Variants in SCAI observed in about 807,000 individuals in gnomAD.
SCAI encodes suppressor of cancer cell invasion.
SCAI carries 24 observed loss-of-function variants against 92.2 expected under a neutral mutation model. The observed-to-expected ratio is 0.26, with a 90% confidence interval of 0.19 to 0.37. The LOEUF is 0.37. SCAI is among the 10% of genes least tolerant of loss of function. The pLI is 1.00. For synonymous variants in SCAI, 261 were observed against 258.6 expected, an observed-to-expected ratio of 1.01 and a Z score of -0.09; for missense variants, 450 against 736.2, an observed-to-expected ratio of 0.61 and a Z score of 4.50.
intron 2 of SCAI, among the ~76,000 whole-genome samples, chr9:125,084,800 A>G (rs1330731432): frequency 6.6e-6 from 1 of 152,214 alleles, no homozygotes; most frequent in African/African-American, 2.4e-5. Context: ...TTTATTAAAA[A>G]GGGGTTATAA....
chr9:124,969,247 T>C (rs1003476674), intron 17 of SCAI, among the ~76,000 whole-genome samples: 2 of 152,162 alleles, frequency 1.3e-5, no homozygotes, highest in Non-Finnish European at 2.9e-5. Context: ...GCCTGGCCCA[T>C]TGCACAGTTC....
intron 5 of SCAI, 80 bp from the exon 6 acceptor site, chr9:125,026,990 G>T: frequency 2.8e-6 from 2 of 708,862 alleles, no homozygotes; most frequent in Non-Finnish European, 2.3e-6. Flanking sequence ...ATATACCGCT[G>T]TATTCCTCTG....
chr9:125,100,498 C>A (rs116280825), intron 2 of SCAI, among the ~76,000 whole-genome samples: 68 of 152,280 alleles, frequency 4.5e-4, no homozygotes, highest in African/African-American at 1.5e-3. Flanking sequence ...TAAGTCAGAG[C>A]CTTTGCTTTA....
chr9:124,977,404 G>A (rs1243923221), intron 14 of SCAI, among the ~76,000 whole-genome samples: 1 of 142,152 alleles, frequency 7.0e-6, no homozygotes, highest in Non-Finnish European at 1.6e-5. Context: ...GTGAGGCCCG[G>A]CACAGTGGCT....
intron 3 of SCAI, among the ~76,000 whole-genome samples, chr9:125,038,028 G>A (rs936764448): frequency 3.9e-5 from 6 of 152,094 alleles, no homozygotes; most frequent in Admixed American, 2.0e-4. Context: ...GGGCCAAGGC[G>A]GACAGATCAC....
chr9:125,069,776 C>G (rs1833944963), intron 2 of SCAI, among the ~76,000 whole-genome samples: 2 of 151,908 alleles, frequency 1.3e-5, no homozygotes, highest in African/African-American at 4.8e-5. Flanking sequence ...GCGCCCGCCA[C>G]CACACCTGGC....
chr9:125,021,486 T>C (rs922453820), intron 6 of SCAI, among the ~76,000 whole-genome samples: 7 of 152,190 alleles, frequency 4.6e-5, no homozygotes, highest in African/African-American at 1.7e-4. Context: ...ACTACTTCTT[T>C]GTTATTGTTC....
intron 2 of SCAI, among the ~76,000 whole-genome samples, chr9:125,134,105 C>T (rs1835463427): frequency 6.6e-6 from 1 of 152,116 alleles, no homozygotes; most frequent in Non-Finnish European, 1.5e-5. Context: ...GAATTTAGTT[C>T]ACCCAAGACC....
At chr9:125,117,090 T>TC (rs1309217600) in intron 2 of SCAI, among the ~76,000 whole-genome samples, 1 of 152,202 alleles carries the variant, frequency 6.6e-6, no homozygotes, top group Non-Finnish European at 1.5e-5. Flanking sequence ...AGGTTTTTTT[T>TC]CACTCAGTAA....
chr9:125,121,914 T>C (rs1393951759), intron 2 of SCAI, among the ~76,000 whole-genome samples: 1 of 152,156 alleles, frequency 6.6e-6, no homozygotes, highest in Non-Finnish European at 1.5e-5. Flanking sequence ...ATATGACAAC[T>C]GTGATTTTAT....
chr9:125,072,042 T>TTC (rs1833988357), intron 2 of SCAI, among the ~76,000 whole-genome samples: 1 of 151,808 alleles, frequency 6.6e-6, no homozygotes, highest in Admixed American at 6.6e-5. Flanking sequence ...TTTTTTTTTT[T>TTC]CTGAGACAGT....
At chr9:125,118,210 T>C (rs1286348833) in intron 2 of SCAI, among the ~76,000 whole-genome samples, 2 of 152,150 alleles carry the variant, frequency 1.3e-5, no homozygotes, top group Non-Finnish European at 2.9e-5. Context: ...AAAATAAACA[T>C]AGTGGAGCCA....
intron 3 of SCAI, among the ~76,000 whole-genome samples, chr9:125,054,171 C>T (rs1025717210): frequency 6.6e-6 from 1 of 152,102 alleles, no homozygotes; most frequent in South Asian, 2.1e-4. Flanking sequence ...GACGAGGTTT[C>T]ACCATGTTGC....
chr9:125,137,219 G>GTGC (rs1835558029), intron 2 of SCAI, among the ~76,000 whole-genome samples: 1 of 152,140 alleles, frequency 6.6e-6, no homozygotes, highest in African/African-American at 2.4e-5. Flanking sequence ...TTAAATACAT[G>GTGC]TGCTGGTTGT....
chr9:125,023,199 A>G (rs1341088709), intron 6 of SCAI, among the ~76,000 whole-genome samples: 1 of 152,128 alleles, frequency 6.6e-6, no homozygotes, highest in Admixed American at 6.5e-5. Context: ...TCCTTCTTGT[A>G]TATCATACCT....
intron 14 of SCAI, among the ~76,000 whole-genome samples, chr9:124,986,468 A>C (rs1389261732): frequency 6.6e-6 from 1 of 152,218 alleles, no homozygotes; most frequent in Non-Finnish European, 1.5e-5. Flanking sequence ...AAACTATACA[A>C]ATCTCAACCA....
intron 15 of SCAI, among the ~76,000 whole-genome samples, chr9:124,972,204 G>A (rs1831673872): frequency 6.6e-6 from 1 of 151,946 alleles, no homozygotes; most frequent in Non-Finnish European, 1.5e-5. Flanking sequence ...CTTCTGAGTT[G>A]CTCTCTATGA....
intron 9 of SCAI, among the ~76,000 whole-genome samples, chr9:125,011,180 G>A (rs557350094): frequency 3.3e-4 from 51 of 152,324 alleles, no homozygotes; most frequent in South Asian, 1.7e-3. Context: ...AAAGCTGGAC[G>A]GAGAATGACT....
chr9:125,058,808 C>A (rs1002577305), intron 2 of SCAI, among the ~76,000 whole-genome samples: 13 of 152,156 alleles, frequency 8.5e-5, no homozygotes, highest in African/African-American at 3.1e-4. Flanking sequence ...CAGGATCAAT[C>A]TGGAATATCT....
Sources: gnomAD v4.1 joint callset for allele counts (sites outside exome capture counted in the v4.1 genomes callset) on GRCh38, gnomAD v4.1.1 for gene constraint, MANE v1.5 for transcripts, NCBI Gene and HGNC (gene_info 2026-07-23, HGNC 2026-07-21) for gene names.